Variants in FHOD3 observed in about 807,000 individuals in gnomAD.
FHOD3 encodes formin homology 2 domain containing 3, also known as FH1/FH2 domain-containing protein 3.
FHOD3 carries 90 observed loss-of-function variants against 173.0 expected under a neutral mutation model. The observed-to-expected ratio is 0.52, with a 90% CI of 0.44 to 0.62. FHOD3 has a LOEUF of 0.62. FHOD3 is among the 20% of genes least tolerant of loss of function. FHOD3 has a pLI of 0.00. For synonymous variants in FHOD3, 828 were observed against 823.0 expected (o/e 1.01, Z -0.10); for missense variants, 1,945 against 2,034.7 (o/e 0.96, Z 0.85).
chr18:36,697,567 G>A (rs1197379090), intron 17 of FHOD3, among the ~76,000 whole-genome samples: 1 of 152,190 alleles, frequency 6.6e-6, no homozygotes, highest in Non-Finnish European at 1.5e-5. Flanking sequence ...AAATACGTTT[G>A]ACAGTGATTT....
At chr18:36,684,826 A>G (rs1008635824) in intron 15 of FHOD3, among the ~76,000 whole-genome samples, 6 of 152,160 alleles carry the variant, frequency 3.9e-5, no homozygotes, top group Non-Finnish European at 7.4e-5. Context: ...TTCTTGAGAC[A>G]GGGTGTCACT....
chr18:36,733,016 A>G (rs1409641335), intron 20 of FHOD3, among the ~76,000 whole-genome samples: 4 of 152,230 alleles, frequency 2.6e-5, no homozygotes, highest in African/African-American at 4.8e-5. Flanking sequence ...GGTCTTGAGT[A>G]AATACCACTA....
chr18:36,757,916 G>A (rs1204962741), intron 25 of FHOD3, among the ~76,000 whole-genome samples: 1 of 152,194 alleles, frequency 6.6e-6, no homozygotes, highest in African/African-American at 2.4e-5. Context: ...ACCCAGGCTG[G>A]TCAATCCCAG....
At position 36,681,443 on chromosome 18, in the gene FHOD3, C is replaced by T. The variant is rs1275765469; in HGVS notation, c.1843C>T (p.Pro615Ser). The change falls in exon 15 of 29, where the codon CCG (proline) becomes TCG (serine). Residue 615 changes from proline to serine, a missense_variant. Physicochemically the swap from Pro to Ser is moderately conservative, Grantham distance 74. Transcript: ENST00000590592. ...PQEARLERSSPSGLLTSSFRQ... is the reference protein window; with the variant it reads ...PQEARLERSSSSGLLTSSFRQ... ...AACTCATTGTATCTCCAGGTCATCACCGAGTGGTCTTCTCACATCATCCTT... is the reference window on the plus strand; with the variant it reads ...AACTCATTGTATCTCCAGGTCATCATCGAGTGGTCTTCTCACATCATCCTT... 8.7e-6 allele frequency: 14 copies of T among 1,613,600 alleles called. No individual in the cohort carries two copies. In the South Asian group the frequency reaches 1.4e-4, roughly 16 times the overall value.
At chr18:36,462,905 T>C (rs1278813173) in intron 3 of FHOD3, among the ~76,000 whole-genome samples, 1 of 152,200 alleles carries the variant, frequency 6.6e-6, no homozygotes, top group African/African-American at 2.4e-5. Flanking sequence ...GGATTATAGA[T>C]ATGAGATGTG....
intron 7 of FHOD3, among the ~76,000 whole-genome samples, chr18:36,595,455 C>T (rs1449963048): frequency 6.6e-6 from 1 of 152,188 alleles, no homozygotes; most frequent in African/African-American, 2.4e-5. Context: ...ACCCTTCACC[C>T]TTCAACTCCT....
intron 3 of FHOD3, among the ~76,000 whole-genome samples, chr18:36,480,973 G>T (rs1227821669): frequency 2.2e-5 from 3 of 136,836 alleles, no homozygotes; most frequent in Non-Finnish European, 4.6e-5. Flanking sequence ...TCCAACCACA[G>T]TTTTTTTATG....
intron 14 of FHOD3, among the ~76,000 whole-genome samples, chr18:36,675,158 G>A (rs1354662878): frequency 6.6e-6 from 1 of 152,090 alleles, no homozygotes; most frequent in African/African-American, 2.4e-5. Flanking sequence ...GGCTAATCAT[G>A]TCCCCACCCT....
chr18:36,365,476 A>G (rs892481714), intron 2 of FHOD3, among the ~76,000 whole-genome samples: 2 of 152,220 alleles, frequency 1.3e-5, no homozygotes, highest in African/African-American at 4.8e-5. Flanking sequence ...ACACATCTCT[A>G]GAGGGACAGA....
At chr18:36,404,822 C>T (rs1395020377) in intron 3 of FHOD3, among the ~76,000 whole-genome samples, 1 of 152,134 alleles carries the variant, frequency 6.6e-6, no homozygotes, top group Non-Finnish European at 1.5e-5. Flanking sequence ...ACTATGAGTG[C>T]TTTTAGCTTT....
chr18:36,430,724 A>G (rs2050494096), intron 3 of FHOD3, among the ~76,000 whole-genome samples: 1 of 152,196 alleles, frequency 6.6e-6, no homozygotes, highest in South Asian at 2.1e-4. Flanking sequence ...CCAGCCTCAT[A>G]TTGGGGATAA....
intron 15 of FHOD3, among the ~76,000 whole-genome samples, chr18:36,683,205 A>G (rs1465043487): frequency 6.6e-6 from 1 of 152,188 alleles, no homozygotes; most frequent in Non-Finnish European, 1.5e-5. Flanking sequence ...CCAATTTTTT[A>G]AATCTCTGGA....
intron 10 of FHOD3, among the ~76,000 whole-genome samples, chr18:36,642,696 C>A (rs1024597459): frequency 4.0e-5 from 6 of 149,034 alleles, no homozygotes; most frequent in African/African-American, 1.5e-4. Flanking sequence ...GCATGATTAT[C>A]TTCTAGTTTA....
At chr18:36,730,847 A>G (rs1231640415) in intron 20 of FHOD3, 43 bp downstream of exon 20, 2 of 1,588,446 alleles carry the variant, frequency 1.3e-6, no homozygotes, top group African/African-American at 1.3e-5. Flanking sequence ...TTTATCTTAT[A>G]CTGCATGTAT....
At chr18:36,496,464 G>A (rs978041996) in intron 3 of FHOD3, among the ~76,000 whole-genome samples, 4 of 152,200 alleles carry the variant, frequency 2.6e-5, no homozygotes, top group Non-Finnish European at 5.9e-5. Flanking sequence ...CTCTTAAAAT[G>A]TATGTTACGA....
intron 14 of FHOD3, among the ~76,000 whole-genome samples, chr18:36,675,893 C>T (rs373603743): frequency 8.5e-5 from 13 of 152,106 alleles, no homozygotes; most frequent in African/African-American, 2.9e-4. Context: ...ATAAACTACC[C>T]TATTTTTGGT....
intron 14 of FHOD3, among the ~76,000 whole-genome samples, chr18:36,661,826 T>G (rs1180326270): frequency 6.6e-6 from 1 of 152,186 alleles, no homozygotes; most frequent in African/African-American, 2.4e-5. Context: ...CTATTATAGC[T>G]TTGTTAATAG....
chr18:36,705,947 C>CTG (rs3222016), intron 17 of FHOD3, among the ~76,000 whole-genome samples: 17,371 of 142,520 alleles, frequency 0.12, 1,025 homozygotes, highest in East Asian at 0.2. Flanking sequence ...TCAGAAGGAA[C>CTG]TGTGTGTGTG....
intron 1 of FHOD3, among the ~76,000 whole-genome samples, chr18:36,312,139 C>T (rs757079633): frequency 6.6e-6 from 1 of 152,176 alleles, no homozygotes; most frequent in Non-Finnish European, 1.5e-5. Context: ...GACACTTTTC[C>T]ATTCTTGACT....
Sources: allele counts gnomAD v4.1 joint callset (sites outside exome capture counted in the v4.1 genomes callset), GRCh38; gene constraint gnomAD v4.1.1; transcripts MANE v1.5; gene names NCBI Gene and HGNC (gene_info 2026-07-23, HGNC 2026-07-21).